PCDHGB5: variants seen among roughly 807,000 people sequenced by gnomAD.
PCDHGB5 encodes the protein protocadherin gamma-B5.
A neutral mutation model predicts 62.9 loss-of-function variants in PCDHGB5; 48 were observed. The ratio of observed to expected loss-of-function variants is 0.76; its 90% CI spans 0.61 to 0.97. PCDHGB5 has a LOEUF of 0.97. PCDHGB5 is among the 50% of genes least tolerant of loss of function. The pLI is 0.00. For missense variants in PCDHGB5, 1,118 were observed against 1,198.6 expected (o/e 0.93, Z 0.99); for synonymous variants, 474 against 511.2 (o/e 0.93, Z 0.98).
intron 1 of PCDHGB5, chr5:141,417,091 A>G (rs1345871347): frequency 6.6e-6 from 1 of 152,194 alleles, no homozygotes; most frequent in Non-Finnish European, 1.5e-5. Flanking sequence ...TTTTGATTAT[A>G]ATTATTTAAA....
chr5:141,475,213 G>C (rs1359120020), intron 1 of PCDHGB5, among the ~76,000 whole-genome samples: 2 of 152,170 alleles, frequency 1.3e-5, no homozygotes, highest in African/African-American at 4.8e-5. Context: ...GAAAAGGATT[G>C]ATCAAGTAAA....
At chr5:141,510,626 AGGTG>A (rs2099882005) in intron 3 of PCDHGB5, among the ~76,000 whole-genome samples, 1 of 152,144 alleles carries the variant, frequency 6.6e-6, no homozygotes, top group Admixed American at 6.5e-5. Context: ...AAACCAGAAG[AGGTG>A]GTTACCATTA....
At position 141,485,681 on chromosome 5, in the gene PCDHGB5, T is replaced by A; in HGVS notation, c.2398-9126T>A. The A allele has an allele frequency of 6.2e-7, 1 of 1,614,074 alleles. No homozygotes were observed. The highest frequency in any genetic ancestry group is 8.5e-7 in the Non-Finnish European group (1 of 1,179,966). ...TGTGGGGAGCAATTCGATTAGCAGC[T>A]ATAGGCTGAGCTCCAATGAACACTT... On this transcript the variant is annotated intron_variant, in intron 1 of 3. Transcript: ENST00000617380. The surrounding 1 kb of genome is among the most constrained non-coding windows in gnomAD (Gnocchi z 5.7).
intron 2 of PCDHGB5, among the ~76,000 whole-genome samples, chr5:141,495,826 A>G (rs1190417828): frequency 6.6e-6 from 1 of 150,888 alleles, no homozygotes; most frequent in African/African-American, 2.4e-5. Flanking sequence ...GTGTTCTTCT[A>G]TCCCCAGCCT....
chr5:141,444,463 G>A (rs570185430), intron 1 of PCDHGB5, among the ~76,000 whole-genome samples: 10 of 152,026 alleles, frequency 6.6e-5, no homozygotes, highest in Admixed American at 1.3e-4. Context: ...GAGTCACTGC[G>A]CCCGGTCGCG....
rs755130135 is a variant in PCDHGB5 at position 141,431,477 on chromosome 5, C to A, written c.2397+30953C>A. On this transcript the variant is annotated intron_variant, in intron 1 of 3. Coordinates refer to ENST00000617380, the MANE Select transcript of PCDHGB5 (RefSeq NM_018925.3). The surrounding 1 kb of genome is among the most constrained non-coding windows in gnomAD (Gnocchi z 4.8). ...GGTTCTGGATGCGAACGACAACGCA[C>A]CAGCGTTTGCTCAGCCCGAGTACCG... is the stretch of plus-strand genomic sequence containing the variant. 40 of 1,613,768 alleles carry A rather than the reference C, an allele frequency of 2.5e-5. No individual in the cohort carries two copies. The highest frequency in any genetic ancestry group is 3.3e-5 in the Admixed American group (2 of 60,008).
In PCDHGB5 at chr5:141,413,958, G is replaced by A. The variant is rs774080265; in HGVS notation, c.2397+13434G>A. On this transcript the variant is annotated intron_variant, in intron 1 of 3. Coordinates refer to ENST00000617380, the MANE Select transcript of PCDHGB5 (RefSeq NM_018925.3). ...TGAGTGTTCCTGAGAATTTGCCTGT[G>A]GGCACTCAGCTGCTGACAGTCACAG... The A allele has an allele frequency of 5.0e-6, 8 of 1,613,276 alleles. No individual in the cohort carries two copies. In the South Asian group the frequency reaches 6.6e-5, roughly 13 times the overall value.
chr5:141,483,661 T>TGTGTGA (rs1357903548), intron 1 of PCDHGB5, among the ~76,000 whole-genome samples: 7 of 152,042 alleles, frequency 4.6e-5, no homozygotes, highest in African/African-American at 1.7e-4. Context: ...TGTGTGTGTG[T>TGTGTGA]GTGTGTGTAA....
At chr5:141,445,294 T>G (rs1012635904) in intron 1 of PCDHGB5, among the ~76,000 whole-genome samples, 2 of 152,238 alleles carry the variant, frequency 1.3e-5, no homozygotes. Flanking sequence ...CAGGCTTCCA[T>G]TCTCTTCAGT....
In PCDHGB5 at chr5:141,486,476, C is replaced by G. The variant is rs765887978; in HGVS notation, c.2398-8331C>G. The G allele has an allele frequency of 5.0e-6, 8 of 1,613,934 alleles. No homozygotes were observed. In the South Asian group the frequency reaches 7.7e-5, roughly 16 times the overall value. ...TGCTTCTGATGCTGGGAACCCTCCTCTCAGTACCCACAGAACTATTTTCCT... is the reference window on the plus strand; with the variant it reads ...TGCTTCTGATGCTGGGAACCCTCCTGTCAGTACCCACAGAACTATTTTCCT... On this transcript the variant is annotated intron_variant, in intron 1 of 3. Coordinates refer to ENST00000617380, the MANE Select transcript of PCDHGB5 (RefSeq NM_018925.3). The surrounding 1 kb of genome is among the most constrained non-coding windows in gnomAD (Gnocchi z 5.0).
At chr5:141,424,717 T>G (rs914445969) in intron 1 of PCDHGB5, 1 of 152,202 alleles carries the variant, frequency 6.6e-6, no homozygotes, top group Non-Finnish European at 1.5e-5. Context: ...TCAGTGTAGT[T>G]GGGAGTCATA....
Position 141,432,075 on chromosome 5 carries a change from C to T in PCDHGB5, c.2397+31551C>T. On this transcript the variant is annotated intron_variant, in intron 1 of 3. Transcript: ENST00000617380. The surrounding 1 kb of genome is among the most constrained non-coding windows in gnomAD (Gnocchi z 6.0). ...CCCCTATCCACGGAAACTCATATCT[C>T]GCTGAACGTGGCAGACACCAACGAC... 3 of 1,614,204 alleles carry T rather than the reference C, an allele frequency of 1.9e-6. No homozygotes were observed. Among genetic ancestry groups the T allele is most frequent in the Non-Finnish European group, 2.5e-6 (3 of 1,180,046 alleles).
chr5:141,490,589 A>G lies in PCDHGB5; in HGVS notation c.2398-4218A>G, dbSNP rs761250654. On this transcript the variant is annotated intron_variant, in intron 1 of 3. Transcript: ENST00000617380. The surrounding 1 kb of genome is among the most constrained non-coding windows in gnomAD (Gnocchi z 5.4). ...CTCAACATTTCAGATGTCAATGACA[A>G]TGCACCCCGCTTCAACCAGCAGCTT... The G allele has an allele frequency of 5.7e-5, 92 of 1,614,042 alleles. No individual in the cohort carries two copies. Among genetic ancestry groups the G allele is most frequent in the Non-Finnish European group, 7.6e-5 (90 of 1,180,036 alleles).
At chr5:141,418,577 C>T (rs1173424447) in intron 1 of PCDHGB5, 2 of 1,614,038 alleles carry the variant, frequency 1.2e-6, no homozygotes, top group South Asian at 1.1e-5. Context: ...TGACAACCCC[C>T]CAGTGTTCAG....
rs560662076 is a variant in PCDHGB5, at chr5:141,498,856, C to A, written c.2456+3991C>A. Among the ~76,000 whole-genome samples, 72 of 152,004 alleles carry A rather than the reference C, an allele frequency of 4.7e-4. 2 individuals carry two copies. Among genetic ancestry groups the A allele is most frequent in the African/African-American group, 1.7e-3 (69 of 41,430 alleles). ...GCTGAGGCAGGGGAATCGCTTGAACCCAGGAGGCGGAGGTTGCAGTGAGCT... is the reference window on the plus strand; with the variant it reads ...GCTGAGGCAGGGGAATCGCTTGAACACAGGAGGCGGAGGTTGCAGTGAGCT... On this transcript the variant is annotated intron_variant, in intron 2 of 3. Coordinates refer to ENST00000617380, the MANE Select transcript of PCDHGB5 (RefSeq NM_018925.3).
chr5:141,421,409 C>T, intron 1 of PCDHGB5: 1 of 1,614,026 alleles, frequency 6.2e-7, no homozygotes, highest in Non-Finnish European at 8.5e-7. Context: ...CGGGAGCTGG[C>T]GAAGCGCGGA....
chr5:141,410,710 CAT>C lies in PCDHGB5; in HGVS notation c.2397+10189_2397+10190del, dbSNP rs140431021. 1.9e-3 allele frequency: 2,785 copies of C among 1,444,504 alleles called. 45 individuals are homozygous for C. In the African/African-American group the frequency reaches 0.033, roughly 17 times the overall value. The allele number at this position is 1,444,504 out of a possible 1,614,324, so 89.5% of individuals were successfully genotyped here. On this transcript the variant is annotated intron_variant, in intron 1 of 3. Coordinates refer to ENST00000617380, the MANE Select transcript of PCDHGB5 (RefSeq NM_018925.3). ...ACTACTTTATTTTCATATCTAGAATCATATGTTTAAAATCCATAGCTTTTTAC... is the reference window on the plus strand; with the variant it reads ...ACTACTTTATTTTCATATCTAGAATCATGTTTAAAATCCATAGCTTTTTAC...
rs753845173 is a variant in PCDHGB5, at chr5:141,490,873, C to T, written c.2398-3934C>T. On this transcript the variant is annotated intron_variant, in intron 1 of 3. Coordinates refer to ENST00000617380, the MANE Select transcript of PCDHGB5 (RefSeq NM_018925.3). The surrounding 1 kb of genome is among the most constrained non-coding windows in gnomAD (Gnocchi z 5.4). Reference sequence around the variant, plus strand: ...TCGAGACTCCGGCTCTCCCCCATTGCATGCCAACACATCTCTGCATGTGTT... The same window carrying T: ...TCGAGACTCCGGCTCTCCCCCATTGTATGCCAACACATCTCTGCATGTGTT... 5.6e-6 allele frequency: 9 copies of T among 1,613,884 alleles called. No homozygotes were observed. The highest frequency in any genetic ancestry group is 7.6e-6 in the Non-Finnish European group (9 of 1,179,908).
chr5:141,430,413 A>G lies in PCDHGB5; in HGVS notation c.2397+29889A>G, dbSNP rs1437560579. ...AAAAAAAAAGCTCACTAAAGTTTCTATTAAAGCGAATACGGTAGATTTCCA... is the reference window on the plus strand; with the variant it reads ...AAAAAAAAAGCTCACTAAAGTTTCTGTTAAAGCGAATACGGTAGATTTCCA... On this transcript the variant is annotated intron_variant, in intron 1 of 3. Coordinates refer to ENST00000617380, the MANE Select transcript of PCDHGB5 (RefSeq NM_018925.3). Among the ~76,000 whole-genome samples the G allele has an allele frequency of 2.0e-5, 3 of 151,870 alleles. No homozygotes were observed. In the South Asian group the frequency reaches 6.2e-4, roughly 31 times the overall value.
Sources: gnomAD v4.1 joint callset for allele counts (sites outside exome capture counted in the v4.1 genomes callset) on GRCh38, gnomAD v4.1.1 for gene constraint, Gnocchi (gnomAD v3.1) non-coding constraint, MANE v1.5 for transcripts, NCBI Gene and HGNC (gene_info 2026-07-23, HGNC 2026-07-21) for gene names.